SCAPER: variants seen among roughly 807,000 people sequenced by gnomAD.
SCAPER encodes the protein S phase cyclin A-associated protein in the endoplasmic reticulum.
A neutral mutation model predicts 182.2 loss-of-function variants in SCAPER; 98 were observed. That is an observed-to-expected ratio of 0.54 (90% CI 0.46 to 0.64). The LOEUF (loss-of-function observed/expected upper bound fraction) is 0.64. SCAPER is among the 30% of genes least tolerant of loss of function. The pLI, the probability that SCAPER is intolerant of heterozygous loss-of-function variation, is 0.00. For missense variants in SCAPER, 1,432 were observed against 1,690.0 expected, an observed-to-expected ratio of 0.85 and a Z score of 2.68; for synonymous variants, 605 against 564.6, an observed-to-expected ratio of 1.07 and a Z score of -1.01.
chr15:76,767,180 T>C, intron 10 of SCAPER, 92 bp from the exon 11 acceptor site: 6 of 1,161,870 alleles, frequency 5.2e-6, no homozygotes, highest in South Asian at 1.5e-5. Flanking sequence ...CTCAACAGTA[T>C]ACATAAAATT....
intron 16 of SCAPER, among the ~76,000 whole-genome samples, chr15:76,732,541 C>T (rs569289784): frequency 1.4e-4 from 21 of 152,026 alleles, no homozygotes; most frequent in Non-Finnish European, 2.5e-4. Context: ...GTAACGCCAG[C>T]GTCTGGGAAG....
chr15:76,706,035 C>A, intron 17 of SCAPER, 51 bp from the exon 18 acceptor site: 1 of 1,363,822 alleles, frequency 7.3e-7, no homozygotes, highest in Admixed American at 2.3e-5. Flanking sequence ...AGTAACAAAT[C>A]TCATGAGACT....
intron 21 of SCAPER, among the ~76,000 whole-genome samples, chr15:76,663,453 A>T: frequency 6.6e-6 from 1 of 152,154 alleles, no homozygotes; most frequent in East Asian, 1.9e-4. Flanking sequence ...TTTATTTATA[A>T]ATGTCCCAGA....
intron 1 of SCAPER, among the ~76,000 whole-genome samples, chr15:76,900,834 T>C (rs779677063): frequency 2.0e-5 from 3 of 152,234 alleles, no homozygotes; most frequent in Non-Finnish European, 4.4e-5. Flanking sequence ...GCCAGAATAG[T>C]ACATCTATGA....
At chr15:76,800,120 C>T (rs538546098) in intron 7 of SCAPER, 128 bp downstream of exon 7, 1 of 515,166 alleles carries the variant, frequency 1.9e-6, no homozygotes, top group Non-Finnish European at 3.5e-6. Context: ...GTGTCAGAAC[C>T]TGTATACAGT....
chr15:76,505,354 G>C (rs542211522), intron 23 of SCAPER, among the ~76,000 whole-genome samples: 26 of 152,134 alleles, frequency 1.7e-4, no homozygotes, highest in African/African-American at 6.3e-4. Flanking sequence ...TATCTGACAA[G>C]GGATTAACAA....
chr15:76,508,410 T>C (rs2041768157), intron 23 of SCAPER, among the ~76,000 whole-genome samples: 1 of 152,208 alleles, frequency 6.6e-6, no homozygotes, highest in South Asian at 2.1e-4. Context: ...TATGCAGCTA[T>C]ATTGGGCATA....
intron 7 of SCAPER, chr15:76,797,565 A>T (rs2065418404): frequency 1.3e-5 from 2 of 152,184 alleles, no homozygotes; most frequent in African/African-American, 4.8e-5. Context: ...AGGCTCTAAG[A>T]AAGGAGGAAC....
At chr15:76,510,115 T>G (rs1348855473) in intron 23 of SCAPER, among the ~76,000 whole-genome samples, 1 of 152,190 alleles carries the variant, frequency 6.6e-6, no homozygotes, top group Non-Finnish European at 1.5e-5. Flanking sequence ...CCTGAAACTA[T>G]AAAAATTCTA....
intron 19 of SCAPER, 94 bp from the exon 20 acceptor site, chr15:76,701,959 G>A (rs2058976726): frequency 1.3e-6 from 1 of 755,160 alleles, no homozygotes; most frequent in Non-Finnish European, 2.2e-6. Flanking sequence ...TGTGAGTTGA[G>A]ATCCACCTAG....
At chr15:76,402,216 A>G (rs2044511756) in intron 27 of SCAPER, among the ~76,000 whole-genome samples, 1 of 152,198 alleles carries the variant, frequency 6.6e-6, no homozygotes, top group Non-Finnish European at 1.5e-5. Flanking sequence ...ATATACTCAG[A>G]ATTGTACTAC....
At chr15:76,902,795 G>A (rs952859385) in intron 1 of SCAPER, among the ~76,000 whole-genome samples, 6 of 152,192 alleles carry the variant, frequency 3.9e-5, no homozygotes, top group African/African-American at 1.2e-4. Flanking sequence ...AGTGGCGCAC[G>A]CCTGTAATCC....
intron 28 of SCAPER, 126 bp downstream of exon 28, chr15:76,381,252 T>C: frequency 1.7e-6 from 1 of 594,696 alleles, no homozygotes; most frequent in Non-Finnish European, 2.8e-6. Flanking sequence ...TTATAATATA[T>C]ATTATAATTC....
intron 5 of SCAPER, among the ~76,000 whole-genome samples, chr15:76,817,499 T>C (rs1318859646): frequency 6.6e-6 from 1 of 152,150 alleles, no homozygotes; most frequent in Non-Finnish European, 1.5e-5. Flanking sequence ...AAATCTAATA[T>C]ACAGCATGAG....
chr15:76,539,773 C>T (rs1241934033), intron 23 of SCAPER, among the ~76,000 whole-genome samples: 1 of 152,122 alleles, frequency 6.6e-6, no homozygotes, highest in Non-Finnish European at 1.5e-5. Context: ...TCTCGATCTC[C>T]TGACCTCGTG....
At chr15:76,792,001 G>A (rs2065033602) in intron 8 of SCAPER, among the ~76,000 whole-genome samples, 1 of 149,870 alleles carries the variant, frequency 6.7e-6, no homozygotes, top group Admixed American at 6.6e-5. Flanking sequence ...AGGGGACTTG[G>A]GTGATCTGCT....
intron 2 of SCAPER, among the ~76,000 whole-genome samples, chr15:76,870,953 C>A (rs1001674700): frequency 2.0e-5 from 3 of 151,758 alleles, no homozygotes; most frequent in African/African-American, 7.3e-5. Context: ...ACAACAACAA[C>A]AACAAAAAAC....
At chr15:76,446,023 T>C (rs184996297) in intron 25 of SCAPER, among the ~76,000 whole-genome samples, 16 of 152,260 alleles carry the variant, frequency 1.1e-4, no homozygotes, top group Admixed American at 9.2e-4. Context: ...GTAGTGATAA[T>C]AGTAATAGCA....
chr15:76,598,456 T>C (rs1416235710), intron 22 of SCAPER, among the ~76,000 whole-genome samples: 1 of 121,666 alleles, frequency 8.2e-6, no homozygotes, highest in African/African-American at 2.5e-5. Flanking sequence ...ACTGGGTACA[T>C]ACCCAAAGGA....
Sources: allele counts gnomAD v4.1 joint callset (sites outside exome capture counted in the v4.1 genomes callset), GRCh38; gene constraint gnomAD v4.1.1; transcripts MANE v1.5; gene names NCBI Gene and HGNC (gene_info 2026-07-23, HGNC 2026-07-21).